The following MYH14 variants were observed in gnomAD, a reference collection of about 807,000 sequenced individuals.
MYH14 encodes myosin heavy chain 14.
MYH14 carries 123 observed loss-of-function variants against 255.5 expected under a neutral mutation model. That is an observed-to-expected ratio of 0.48 (90% CI 0.42 to 0.56). MYH14 has a LOEUF of 0.56. Ranked by LOEUF, MYH14 falls within the 20% of genes least tolerant of loss-of-function variation. The probability of loss-of-function intolerance (pLI) is 0.00; values close to 1 mark genes in which losing one functional copy is unlikely to be tolerated. For missense variants in MYH14, 2,423 were observed against 2,802.3 expected (o/e 0.86, Z 3.06); for synonymous variants, 1,095 against 1,161.2 (o/e 0.94, Z 1.16).
chr19:50,286,119 T>C lies in MYH14; in HGVS notation c.4540-363T>C, dbSNP rs371068515. 70 of 171,110 alleles carry C rather than the reference T, an allele frequency of 4.1e-4. 1 individual carries two copies. The South Asian group carries it at 0.011, about 26-fold the overall frequency. The allele number at this position is 171,110 out of a possible 1,614,324, so 10.6% of individuals were successfully genotyped here. The stretch of plus-strand genomic sequence containing the variant: ...AACTATGAGTTCTGTTCTCTTTTCT[T>C]TTTTGCATGTTTTATAAGTTTATTT... On this transcript the variant is annotated intron_variant, in intron 33 of 42. Transcript: ENST00000642316.
At chr19:50,235,752 C>A (rs1346507750) in intron 10 of MYH14, among the ~76,000 whole-genome samples, 1 of 151,950 alleles carries the variant, frequency 6.6e-6, no homozygotes, top group Non-Finnish European at 1.5e-5. Flanking sequence ...CCACTGTACT[C>A]CAGGCTGGTG....
At chr19:50,256,570 C>T (rs2034599461) in intron 17 of MYH14, among the ~76,000 whole-genome samples, 2 of 152,160 alleles carry the variant, frequency 1.3e-5, no homozygotes, top group African/African-American at 4.8e-5. Flanking sequence ...GATGGGGTTT[C>T]ACCATGTTGG....
rs567362801 is a variant in MYH14, at chr19:50,256,407, T to C, written c.2045-892T>C. 7.9e-5 allele frequency among the ~76,000 whole-genome samples: 12 copies of C among 152,374 alleles called. No homozygotes were observed. The South Asian group carries it at 2.1e-3, about 26-fold the overall frequency. ...TTTTTGTTGAGACAGAGTCTAGCTC[T>C]GTTGCTCAGGCTGGAGTGCAGTGAC... On this transcript the variant is annotated intron_variant, in intron 17 of 42. Coordinates refer to ENST00000642316, the MANE Select transcript of MYH14 (RefSeq NM_001145809.2).
intron 17 of MYH14, among the ~76,000 whole-genome samples, chr19:50,256,064 G>T (rs902951258): frequency 1.3e-5 from 2 of 151,736 alleles, no homozygotes; most frequent in African/African-American, 4.8e-5. Context: ...GATCACTTGA[G>T]GACAAGAGTT....
intron 11 of MYH14, among the ~76,000 whole-genome samples, chr19:50,245,278 G>A (rs924928166): frequency 6.6e-6 from 1 of 151,892 alleles, no homozygotes; most frequent in South Asian, 2.1e-4. Flanking sequence ...AATTAACTGG[G>A]AATGGTGATG....
chr19:50,224,032 T>TGGCCCCCCCCCCCCCCCCCCCCCCCC, intron 5 of MYH14, 122 bp from the exon 6 acceptor site: 2 of 610,328 alleles, frequency 3.3e-6, no homozygotes, highest in Non-Finnish European at 6.1e-6. Context: ...ATGCCCGGTT[T>TGGCCCCCCCCCCCCCCCCCCCCCCCC]CCCCAGTCCC....
chr19:50,289,378 GCTC>G, intron 34 of MYH14, 55 bp from the exon 35 acceptor site: 3 of 1,407,048 alleles, frequency 2.1e-6, no homozygotes, highest in Non-Finnish European at 2.0e-6. Context: ...CTCTAGCTAG[GCTC>G]CTAACCTCCT....
At position 50,217,673 on chromosome 19, in the gene MYH14, C is replaced by T. The variant is rs372189033; in HGVS notation, c.464C>T (p.Thr155Ile). The change falls in exon 3 of 43, where the codon ACA becomes ATA. Residue 155 changes from threonine (T) to isoleucine (I), a missense_variant. Physicochemically the swap from Thr to Ile is moderately conservative, Grantham distance 89. Coordinates refer to ENST00000642316, the MANE Select transcript of MYH14 (RefSeq NM_001145809.2). ...CCGTACAAGCAGCTTCCCATCTACACAGAAGCCATTGTGGAGATGTACCGG... is the reference window on the plus strand; with the variant it reads ...CCGTACAAGCAGCTTCCCATCTACATAGAAGCCATTGTGGAGATGTACCGG... ...INPYKQLPIY[T>I]EAIVEMYRGK... 2.1e-5 allele frequency: 34 copies of T among 1,613,888 alleles called. No individual in the cohort carries two copies. The highest frequency in any genetic ancestry group is 2.8e-5 in the Non-Finnish European group (33 of 1,179,920).
Position 50,281,758 on chromosome 19 carries a change from G to A in MYH14, c.4455G>A (p.Gln1485=). 6.2e-7 allele frequency: 1 copy of A among 1,612,486 alleles called. No individual in the cohort carries two copies. Among genetic ancestry groups the A allele is most frequent in the Non-Finnish European group, 8.5e-7 (1 of 1,179,740 alleles). Residue 1485 remains glutamine, a synonymous_variant, in exon 33 of 43, where the codon CAG becomes CAA. Transcript: ENST00000642316. ...AGCGGGGCCGCCGCCGGCTGCAGCA[G>A]GAGCTGGACGACGCCACCATGGACC... ...RLERGRRRLQ[Q]ELDDATMDLE...
intron 10 of MYH14, among the ~76,000 whole-genome samples, chr19:50,242,707 A>G (rs2033938619): frequency 6.6e-6 from 1 of 152,198 alleles, no homozygotes; most frequent in Admixed American, 6.5e-5. Flanking sequence ...GAGGGATTGC[A>G]TTGGTGCATA....
At position 50,271,869 on chromosome 19, in the gene MYH14, T is replaced by C. The variant is rs1239787931; in HGVS notation, c.3192T>C (p.Asp1064=). The part of the protein sequence containing the change: ...KLSKERKLLE[D]RLAEFSSQAA... ...CTCAGGAGCGGAAGCTGCTGGAAGA[T>C]CGTCTGGCCGAGTTCTCATCCCAGG... The change falls in exon 26 of 43, where the codon GAT becomes GAC. Residue 1064 remains aspartate (D), a synonymous_variant. Coordinates refer to ENST00000642316, the MANE Select transcript of MYH14 (RefSeq NM_001145809.2). 2 of 1,613,266 alleles carry C rather than the reference T, an allele frequency of 1.2e-6. No homozygotes were observed. Among genetic ancestry groups the C allele is most frequent in the South Asian group, 1.1e-5 (1 of 90,946 alleles).
Position 50,223,404 on chromosome 19 carries a change from C to T in MYH14, c.693+55C>T, listed in dbSNP as rs2032938687. ...GGCCCTGCCACAGCACTGCCCCTTCCATCTTGGGCTTTCCCCACAATTGTC... is the reference window on the plus strand; with the variant it reads ...GGCCCTGCCACAGCACTGCCCCTTCTATCTTGGGCTTTCCCCACAATTGTC... On this transcript the variant is annotated intron_variant, in intron 5 of 42. Transcript: ENST00000642316. The T allele has an allele frequency of 3.3e-6, 4 of 1,214,060 alleles. No individual in the cohort carries two copies. In the Middle Eastern group the frequency reaches 5.7e-4, roughly 174 times the overall value. The allele number at this position is 1,214,060 out of a possible 1,614,324, so 75.2% of individuals were successfully genotyped here.
chr19:50,230,871 C>G lies in MYH14; in HGVS notation c.973+248C>G, dbSNP rs2033346609. The G allele has an allele frequency of 2.0e-6, 1 of 496,564 alleles. No individual in the cohort carries two copies. The highest frequency in any genetic ancestry group is 2.7e-5 in the South Asian group (1 of 36,648). 30.8% of individuals were successfully genotyped at this position (496,564 alleles called of 1,614,324 possible). ...CGCCCGCTGTCACGGCCACGCAGCCCCCGCCGCCTGGTGGCTCCTGCTCAC... is the reference window on the plus strand; with the variant it reads ...CGCCCGCTGTCACGGCCACGCAGCCGCCGCCGCCTGGTGGCTCCTGCTCAC... On this transcript the variant is annotated intron_variant, in intron 9 of 42. Coordinates refer to ENST00000642316, the MANE Select transcript of MYH14 (RefSeq NM_001145809.2). The surrounding 1 kb of genome is among the most constrained non-coding windows in gnomAD (Gnocchi z 4.7).
chr19:50,267,768 G>C (rs776002781), intron 23 of MYH14, among the ~76,000 whole-genome samples: 3 of 152,084 alleles, frequency 2.0e-5, no homozygotes, highest in Admixed American at 2.0e-4. Context: ...GACCCCTCGG[G>C]GGTTATTTGA....
At chr19:50,215,438 C>T (rs1302347047) in intron 2 of MYH14, among the ~76,000 whole-genome samples, 1 of 152,180 alleles carries the variant, frequency 6.6e-6, no homozygotes, top group African/African-American at 2.4e-5. Context: ...CACCCTCCCA[C>T]CGTTAGAAGG....
chr19:50,301,436 T>C (rs141656122), intron 39 of MYH14, among the ~76,000 whole-genome samples: 185 of 152,276 alleles, frequency 1.2e-3, no homozygotes, highest in Non-Finnish European at 2.3e-3. Flanking sequence ...AGCAGAAAAC[T>C]ATCCAAAATG....
Position 50,282,635 on chromosome 19 carries a change from G to A in MYH14, c.4539+793G>A, listed in dbSNP as rs546035572. On this transcript the variant is annotated intron_variant, in intron 33 of 42. Transcript: ENST00000642316. ...GGAGAATCACTTGAACTGGAAAGGC[G>A]GAGGTTGCAGTGAGCCAAGATCGTG... 3.9e-4 allele frequency among the ~76,000 whole-genome samples: 60 copies of A among 152,258 alleles called. No individual in the cohort carries two copies. In the South Asian group the frequency reaches 0.011, roughly 28 times the overall value.
Position 50,280,430 on chromosome 19 carries a change from C to T in MYH14, c.4290+47C>T. ...CTTCAGGGAGGCACAGCCCCCCTCA[C>T]TGCTCCTCCTGGGTTCCCCAGCTCA... On this transcript the variant is annotated intron_variant, in intron 32 of 42. Transcript: ENST00000642316. The surrounding 1 kb of genome is among the most constrained non-coding windows in gnomAD (Gnocchi z 4.8). 6.8e-7 allele frequency: 1 copy of T among 1,472,120 alleles called. No individual in the cohort carries two copies. The highest frequency in any genetic ancestry group is 9.1e-7 in the Non-Finnish European group (1 of 1,103,942). The allele number at this position is 1,472,120 out of a possible 1,614,324, so 91.2% of individuals were successfully genotyped here.
At chr19:50,275,925 C>A in intron 27 of MYH14, 66 bp from the exon 28 acceptor site, 4 of 1,301,938 alleles carry the variant, frequency 3.1e-6, no homozygotes, top group Non-Finnish European at 4.3e-6. Context: ...GCCTCTCAGT[C>A]CCCAGAAATC....
Sources: allele counts gnomAD v4.1 joint callset (sites outside exome capture counted in the v4.1 genomes callset), GRCh38; gene constraint gnomAD v4.1.1; non-coding constraint Gnocchi (gnomAD v3.1); transcripts MANE v1.5; gene names NCBI Gene and HGNC (gene_info 2026-07-23, HGNC 2026-07-21).